EIF5B: variants seen among roughly 807,000 people sequenced by gnomAD.
EIF5B encodes eIF-5B.
A neutral mutation model predicts 147.5 loss-of-function variants in EIF5B; 47 were observed. The observed-to-expected ratio is 0.32, with a 90% CI of 0.25 to 0.41. EIF5B has a LOEUF of 0.41. EIF5B is among the 10% of genes least tolerant of loss of function. EIF5B has a pLI of 1.00. For synonymous variants in EIF5B, 455 were observed against 456.2 expected, an observed-to-expected ratio of 1.00 and a Z score of 0.03; for missense variants, 1,064 against 1,413.2, an observed-to-expected ratio of 0.75 and a Z score of 3.96.
intron 8 of EIF5B, 113 bp from the exon 9 acceptor site, chr2:99,371,543 A>T: frequency 1.3e-6 from 1 of 790,066 alleles, no homozygotes; most frequent in Non-Finnish European, 2.0e-6. Flanking sequence ...CATATTTTTT[A>T]CATAATTAAA....
chr2:99,341,201 A>T (rs1258746315), intron 1 of EIF5B, among the ~76,000 whole-genome samples: 3 of 152,232 alleles, frequency 2.0e-5, no homozygotes, highest in Admixed American at 2.0e-4. Flanking sequence ...CAAATATAAT[A>T]CACATAGCCT....
intron 1 of EIF5B, among the ~76,000 whole-genome samples, chr2:99,353,107 TG>T (rs1371121052): frequency 7.0e-6 from 1 of 141,998 alleles, no homozygotes; most frequent in Non-Finnish European, 1.5e-5. Flanking sequence ...CTCCACCTCC[TG>T]GGTTCAAGCA....
rs192420726 is a variant in EIF5B, at chr2:99,389,826, A to G, written c.2380A>G (p.Ile794Val). The stretch of plus-strand genomic sequence containing the variant: ...TGAATTTGAGGAGCGAGCAAAGGCT[A>G]TTATTGTAGAATTTGCACAGCAGGT... The part of the protein sequence containing the change: ...KDEFEERAKA[I>V]IVEFAQQGLN... Residue 794 changes from isoleucine to valine, a missense_variant, in exon 15 of 24, where the codon ATT (isoleucine) becomes GTT (valine). Ile to Val is a conservative substitution (Grantham distance 29). This residue lies in a region of EIF5B where 380 missense variants were observed against 715.6 expected (regional missense o/e 0.53). Coordinates refer to ENST00000289371, the MANE Select transcript of EIF5B (RefSeq NM_015904.4). The G allele has an allele frequency of 1.2e-5, 20 of 1,611,984 alleles. No individual in the cohort carries two copies. In the East Asian group the frequency reaches 3.6e-4, roughly 29 times the overall value.
At chr2:99,378,666 G>T (rs1224912209) in intron 10 of EIF5B, among the ~76,000 whole-genome samples, 1 of 152,186 alleles carries the variant, frequency 6.6e-6, no homozygotes, top group Non-Finnish European at 1.5e-5. Context: ...ATTCAGGGTT[G>T]CACTATATAG....
intron 1 of EIF5B, among the ~76,000 whole-genome samples, chr2:99,352,044 T>A (rs115352294): frequency 1.3e-5 from 2 of 152,244 alleles, no homozygotes; most frequent in Non-Finnish European, 2.9e-5. Context: ...TGATAACATC[T>A]TGTCATGTGT....
chr2:99,383,478 A>G (rs1176757029), intron 14 of EIF5B, among the ~76,000 whole-genome samples: 1 of 152,230 alleles, frequency 6.6e-6, no homozygotes, highest in Non-Finnish European at 1.5e-5. Context: ...GAGGAGTCAC[A>G]CATAGAATAT....
At position 99,376,412 on chromosome 2, in the gene EIF5B, G is replaced by C; in HGVS notation, c.1618G>C (p.Glu540Gln). The change falls in exon 10 of 24, where the codon GAG (glutamate) becomes CAG (glutamine). Residue 540 changes from glutamate (E) to glutamine (Q), a missense_variant. Glu to Gln is a conservative substitution (Grantham distance 29). Transcript: ENST00000289371. ...NPEEEEEEEE[E>Q]EEEDEESEEE... is the part of the protein sequence containing the mutation. ...TGAAGAGGAGGAGGAGGAGGAAGAA[G>C]AGGAAGAAGAAGATGAAGAAAGTGA... 1 of 1,564,992 alleles carries C rather than the reference G, an allele frequency of 6.4e-7. No homozygotes were observed. The highest frequency in any genetic ancestry group is 8.8e-7 in the Non-Finnish European group (1 of 1,140,092).
intron 1 of EIF5B, among the ~76,000 whole-genome samples, chr2:99,339,550 G>C (rs1434146156): frequency 6.6e-6 from 1 of 151,326 alleles, no homozygotes; most frequent in African/African-American, 2.4e-5. Flanking sequence ...GTTTTGTTTT[G>C]TTTTTTGGAG....
intron 1 of EIF5B, among the ~76,000 whole-genome samples, chr2:99,349,588 C>T (rs1184326109): frequency 1.3e-5 from 2 of 152,080 alleles, no homozygotes; most frequent in Non-Finnish European, 1.5e-5. Flanking sequence ...ATTCCAAAAG[C>T]CAAACTCCAA....
chr2:99,343,094 G>A (rs1241002418), intron 1 of EIF5B, among the ~76,000 whole-genome samples: 1 of 151,648 alleles, frequency 6.6e-6, no homozygotes, highest in African/African-American at 2.4e-5. Context: ...CCAAGTGGCT[G>A]GGACTACAGT....
chr2:99,340,905 G>T (rs760173017), intron 1 of EIF5B, among the ~76,000 whole-genome samples: 29 of 152,278 alleles, frequency 1.9e-4, no homozygotes, highest in Non-Finnish European at 4.0e-4. Context: ...AAGTAGCTGG[G>T]ATGACAGGCG....
intron 14 of EIF5B, among the ~76,000 whole-genome samples, chr2:99,385,673 T>G (rs926954924): frequency 6.6e-6 from 1 of 152,198 alleles, no homozygotes; most frequent in African/African-American, 2.4e-5. Context: ...ACCCCAAAAA[T>G]TGTGTGGCTT....
chr2:99,370,216 G>C (rs1674416341), intron 8 of EIF5B, among the ~76,000 whole-genome samples: 1 of 151,954 alleles, frequency 6.6e-6, no homozygotes, highest in African/African-American at 2.4e-5. Flanking sequence ...CTCATTGTGG[G>C]GTATCTGTGT....
At position 99,382,671 on chromosome 2, in the gene EIF5B, T is replaced by G. The variant is rs192661207; in HGVS notation, c.2130-109T>G. 3,123 of 1,122,052 alleles carry G rather than the reference T, an allele frequency of 2.8e-3. 13 individuals carry two copies. Among genetic ancestry groups the G allele is most frequent in the Non-Finnish European group, 3.2e-3 (2,614 of 825,854 alleles). The allele number at this position is 1,122,052 out of a possible 1,614,324, so 69.5% of individuals were successfully genotyped here. ...AAGGGCTAATAGTACTTGAACAATT[T>G]AATACATATACTCTATTTTGTTTGG... On this transcript the variant is annotated intron_variant, in intron 13 of 23. Coordinates refer to ENST00000289371, the MANE Select transcript of EIF5B (RefSeq NM_015904.4).
chr2:99,394,142 C>T (rs1431622100), intron 18 of EIF5B, 125 bp from the exon 19 acceptor site: 1 of 1,253,408 alleles, frequency 8.0e-7, no homozygotes, highest in Admixed American at 2.4e-5. Context: ...ATGCCTTGCT[C>T]TATCTAAGCC....
Position 99,360,473 on chromosome 2 carries a change from A to G in EIF5B, c.170A>G (p.Asp57Gly). The stretch of plus-strand genomic sequence containing the variant: ...TTTTAATCCTTTTCTAGTGAAGATG[A>G]TATCCTGAAAGAACTGGAAGAATTG... ...EKKKQDFDED[D>G]ILKELEELSL... The change falls in exon 3 of 24, where the codon GAT becomes GGT. Residue 57 changes from aspartate (D) to glycine (G), a missense_variant. This residue lies in a region of EIF5B where 458 missense variants were observed against 451.3 expected (regional missense o/e 1.01). Coordinates refer to ENST00000289371, the MANE Select transcript of EIF5B (RefSeq NM_015904.4). The G allele has an allele frequency of 6.2e-7, 1 of 1,613,248 alleles. No individual in the cohort carries two copies. The highest frequency in any genetic ancestry group is 8.5e-7 in the Non-Finnish European group (1 of 1,179,632).
chr2:99,379,521 C>T (rs1029415984), intron 12 of EIF5B, 93 bp downstream of exon 12: 35 of 927,126 alleles, frequency 3.8e-5, no homozygotes, highest in Non-Finnish European at 5.2e-5. Flanking sequence ...ACTAGGATAA[C>T]AGCTCCATAT....
intron 9 of EIF5B, among the ~76,000 whole-genome samples, chr2:99,372,074 A>G (rs1274214761): frequency 3.3e-5 from 5 of 152,242 alleles, no homozygotes; most frequent in Non-Finnish European, 5.9e-5. Context: ...GTTCCTGATA[A>G]GTATGAATAG....
chr2:99,391,292 A>G (rs893937360), intron 17 of EIF5B, among the ~76,000 whole-genome samples: 3 of 152,172 alleles, frequency 2.0e-5, no homozygotes, highest in African/African-American at 7.2e-5. Context: ...GAAGAAGGAG[A>G]GGGGTAGGCC....
Sources: allele counts gnomAD v4.1 joint callset (sites outside exome capture counted in the v4.1 genomes callset), GRCh38; gene constraint gnomAD v4.1.1; regional missense constraint gnomAD v4.1.1; transcripts MANE v1.5; gene names NCBI Gene and HGNC (gene_info 2026-07-23, HGNC 2026-07-21).